The following UBP1 variants were observed in gnomAD, a reference collection of about 807,000 sequenced individuals.
UBP1 encodes upstream-binding protein 1.
A neutral mutation model predicts 76.1 loss-of-function variants in UBP1; 22 were observed. The ratio of observed to expected loss-of-function variants is 0.29; its 90% CI spans 0.21 to 0.41. The LOEUF is 0.41. UBP1 is among the 10% of genes least tolerant of loss of function. The pLI, the probability that UBP1 is intolerant of heterozygous loss-of-function variation, is 1.00. For missense variants in UBP1, 436 were observed against 668.1 expected (o/e 0.65, Z 3.83); for synonymous variants, 224 against 237.1 (o/e 0.94, Z 0.51).
chr3:33,411,112 G>C (rs902587622), intron 5 of UBP1, among the ~76,000 whole-genome samples: 13 of 149,686 alleles, frequency 8.7e-5, no homozygotes, highest in Non-Finnish European at 1.3e-4. Context: ...ATAACTAAAA[G>C]GGGGCGGAAA....
At chr3:33,440,410 C>G (rs1442907385), upstream of UBP1, 1 of 152,548 alleles carries the variant, frequency 6.6e-6, no homozygotes, top group South Asian at 2.0e-4. Context: ...GCTTCCGCCT[C>G]CCCCGGCCCC....
At chr3:33,438,992 A>G (rs1375397393) in intron 1 of UBP1, among the ~76,000 whole-genome samples, 1 of 152,126 alleles carries the variant, frequency 6.6e-6, no homozygotes, top group Non-Finnish European at 1.5e-5. Context: ...AAAAAAATAC[A>G]GAGTTTCCAA....
chr3:33,417,920 G>C (rs1044871312), intron 2 of UBP1, among the ~76,000 whole-genome samples: 1 of 152,126 alleles, frequency 6.6e-6, no homozygotes, highest in Non-Finnish European at 1.5e-5. Flanking sequence ...ATCACTCCAA[G>C]GCTGGTGAAG....
Position 33,392,547 on chromosome 3 carries a change from C to T in UBP1, c.1585+16G>A, listed in dbSNP as rs562912943. ...CATGATTCCAGCATTTTAAGACACA[C>T]ACACATGCAAAGTACCTTTTACTGT... On this transcript the variant is annotated intron_variant, in intron 15 of 15. Transcript: ENST00000283629. 2 of 1,606,102 alleles carry T rather than the reference C, an allele frequency of 1.2e-6. No homozygotes were observed. The highest frequency in any genetic ancestry group is 2.2e-5 in the South Asian group (2 of 89,448).
At chr3:33,416,252 CAG>C (rs1016157015) in intron 3 of UBP1, among the ~76,000 whole-genome samples, 39 of 152,286 alleles carry the variant, frequency 2.6e-4, no homozygotes, top group African/African-American at 8.9e-4. Flanking sequence ...ATGATGGATA[CAG>C]GCTAGGAGGG....
intron 1 of UBP1, among the ~76,000 whole-genome samples, chr3:33,427,096 T>G (rs1488199959): frequency 6.6e-6 from 1 of 152,192 alleles, no homozygotes; most frequent in African/African-American, 2.4e-5. Flanking sequence ...GCCTCCCAAG[T>G]AGCTGGGATT....
intron 2 of UBP1, among the ~76,000 whole-genome samples, chr3:33,423,700 A>C (rs1012562721): frequency 1.3e-5 from 2 of 152,216 alleles, no homozygotes; most frequent in Non-Finnish European, 2.9e-5. Flanking sequence ...TTAAAACCTA[A>C]GCTTTCCAAA....
intron 3 of UBP1, chr3:33,415,968 T>A (rs2044717903): frequency 6.6e-6 from 1 of 152,104 alleles, no homozygotes. Context: ...ATTGCCTGAA[T>A]CCAATTCCCA....
Position 33,390,289 on chromosome 3 carries a change from G to GT in UBP1, c.*41dup. ...ATTCAGTCTTCACACACTTTTAAGC[G>GT]TGACTATTTGGTACTGAATACAGTT... On this transcript the variant is annotated 3_prime_UTR_variant, in exon 16 of 16. Coordinates refer to ENST00000283629, the MANE Select transcript of UBP1 (RefSeq NM_014517.5). 1 of 1,585,860 alleles carries GT rather than the reference G, an allele frequency of 6.3e-7. No individual in the cohort carries two copies. Among genetic ancestry groups the GT allele is most frequent in the African/African-American group, 1.3e-5 (1 of 74,322 alleles).
intron 2 of UBP1, among the ~76,000 whole-genome samples, chr3:33,420,382 G>C (rs971278169): frequency 3.9e-5 from 6 of 151,990 alleles, no homozygotes; most frequent in African/African-American, 1.5e-4. Context: ...CTGGAGTACA[G>C]TGGTGCAATC....
At chr3:33,405,707 C>T (rs2044400517) in intron 8 of UBP1, among the ~76,000 whole-genome samples, 1 of 152,112 alleles carries the variant, frequency 6.6e-6, no homozygotes, top group Admixed American at 6.5e-5. Flanking sequence ...TTGCAGTGAA[C>T]TTTGATCACA....
intron 8 of UBP1, among the ~76,000 whole-genome samples, chr3:33,407,436 T>C (rs1016916499): frequency 1.3e-5 from 2 of 151,972 alleles, no homozygotes; most frequent in Non-Finnish European, 2.9e-5. Context: ...CTAAGAACCA[T>C]TGGTGGGTCT....
At chr3:33,412,856 T>C in intron 3 of UBP1, 29 bp from the exon 4 acceptor site, 1 of 1,450,494 alleles carries the variant, frequency 6.9e-7, no homozygotes, top group Admixed American at 1.7e-5. Context: ...AAATGAGTAC[T>C]TTTAAACTGC....
intron 9 of UBP1, among the ~76,000 whole-genome samples, chr3:33,402,018 A>C (rs2044249120): frequency 6.6e-6 from 1 of 152,206 alleles, no homozygotes; most frequent in African/African-American, 2.4e-5. Flanking sequence ...GGGGGAGAGC[A>C]CATTTTTGCT....
intron 1 of UBP1, among the ~76,000 whole-genome samples, chr3:33,434,648 G>A (rs990893220): frequency 1.2e-4 from 17 of 136,874 alleles, no homozygotes; most frequent in African/African-American, 1.1e-4. Flanking sequence ...CAACCAGCCC[G>A]TTTTTACACA....
At chr3:33,433,927 AAATAAT>A (rs1025440053) in intron 1 of UBP1, among the ~76,000 whole-genome samples, 1 of 152,042 alleles carries the variant, frequency 6.6e-6, no homozygotes, top group African/African-American at 2.4e-5. Flanking sequence ...CTGTCTCTAA[AAATAAT>A]AATAATAATA....
intron 2 of UBP1, among the ~76,000 whole-genome samples, chr3:33,421,490 G>A (rs185949440): frequency 2.6e-5 from 4 of 152,076 alleles, no homozygotes; most frequent in East Asian, 1.9e-4. Flanking sequence ...GGCTGGTCTC[G>A]AACTCTTAAC....
In UBP1 at chr3:33,422,631, G is replaced by T. The variant is rs187915702; in HGVS notation, c.265+2959C>A. 9.8e-3 allele frequency among the ~76,000 whole-genome samples: 1,484 copies of T among 151,886 alleles called. 84 individuals carry two copies. The highest frequency in any genetic ancestry group is 0.09 in the Admixed American group (1,375 of 15,234). ...TCCCAGCTACTCAGGAGGCTAGGGT[G>T]GGTGGATCACTTTAGCCTGGGAGGT... On this transcript the variant is annotated intron_variant, in intron 2 of 15. Coordinates refer to ENST00000283629, the MANE Select transcript of UBP1 (RefSeq NM_014517.5).
Position 33,397,067 on chromosome 3 carries a change from G to A in UBP1, c.1249C>T (p.Leu417Phe), listed in dbSNP as rs753109905. 5.0e-6 allele frequency: 8 copies of A among 1,601,818 alleles called. No individual in the cohort carries two copies. The highest frequency in any genetic ancestry group is 6.8e-6 in the Non-Finnish European group (8 of 1,174,950). ...QICGAADGIRLYNSLKSRSVR... is the reference protein window; with the variant it reads ...QICGAADGIRFYNSLKSRSVR... ...TACCTTGACTTCAGTGAATTATAGA[G>A]CCGAATTCCATCGGCTGCACCACAA... Residue 417 changes from leucine to phenylalanine, a missense_variant, in exon 12 of 16, where the codon CTC (leucine) becomes TTC (phenylalanine). Physicochemically the swap from Leu to Phe is conservative, Grantham distance 22. Coordinates refer to ENST00000283629, the MANE Select transcript of UBP1 (RefSeq NM_014517.5).
Sources: gnomAD v4.1 joint callset for allele counts (sites outside exome capture counted in the v4.1 genomes callset) on GRCh38, gnomAD v4.1.1 for gene constraint, MANE v1.5 for transcripts, NCBI Gene and HGNC (gene_info 2026-07-23, HGNC 2026-07-21) for gene names.